PGD: variants seen among roughly 807,000 people sequenced by gnomAD.
The protein encoded by PGD is phosphogluconate dehydrogenase, also known as 6-phosphogluconate dehydrogenase, decarboxylating.
In PGD, 21 loss-of-function variants were observed where a neutral mutation model predicts 60.4. That is an observed-to-expected ratio of 0.35 (90% CI 0.25 to 0.50). The LOEUF (loss-of-function observed/expected upper bound fraction) is 0.50, where lower values mean the gene tolerates loss of function less well. PGD is among the 20% of genes least tolerant of loss of function. PGD has a pLI of 0.98. For missense variants in PGD, 477 were observed against 613.1 expected, an observed-to-expected ratio of 0.78 and a Z score of 2.34; for synonymous variants, 230 against 235.9, an observed-to-expected ratio of 0.97 and a Z score of 0.23.
At position 10,418,937 on chromosome 1, in the gene PGD, A is replaced by AG. The variant is rs760816942; in HGVS notation, c.1209+15dup. On this transcript the variant is annotated intron_variant, in intron 11 of 12. Coordinates refer to ENST00000270776, the MANE Select transcript of PGD (RefSeq NM_002631.4). ...TTGAAAACTGCCAGGTATGTAGCCT[A>AG]GGGCTGGTGCCATGGTTACTCTACC... 1 of 1,449,926 alleles carries AG rather than the reference A, an allele frequency of 6.9e-7. No individual in the cohort carries two copies. Among genetic ancestry groups the AG allele is most frequent in the South Asian group, 1.1e-5 (1 of 87,364 alleles). The allele number at this position is 1,449,926 out of a possible 1,614,324, so 89.8% of individuals were successfully genotyped here. A position where few individuals can be genotyped will look rare whatever the true frequency, so the allele number is the denominator to read the frequency against.
chr1:10,404,568 T>TAGCTC (rs1278179731), intron 5 of PGD, among the ~76,000 whole-genome samples: 5 of 151,946 alleles, frequency 3.3e-5, no homozygotes, highest in Admixed American at 6.6e-5. Flanking sequence ...GGTGAGATCT[T>TAGCTC]AGCTCACTGC....
rs1380951859 is a variant in PGD at position 10,418,905 on chromosome 1, T to A, written c.1189T>A (p.Ser397Thr). 2 of 1,609,154 alleles carry A rather than the reference T, an allele frequency of 1.2e-6. No individual in the cohort carries two copies. The highest frequency in any genetic ancestry group is 8.5e-7 in the Non-Finnish European group (1 of 1,175,696). Residue 397 changes from serine to threonine, a missense_variant, in exon 11 of 13, where the codon TCA becomes ACA. Ser to Thr is a moderately conservative substitution (Grantham distance 58). Around this residue, in one of 3 missense-constraint regions of PGD, gnomAD observed 431 missense variants for 556.6 expected, o/e 0.77. Transcript: ENST00000270776. The part of the protein sequence containing the change: ...QNLLLDDFFK[S>T]AVENCQDSWR... ...CCTCCTACTGGACGACTTCTTTAAG[T>A]CAGCTGTTGAAAACTGCCAGGTATG...
Position 10,415,796 on chromosome 1 carries a change from A to G in PGD, c.845-1191A>G, listed in dbSNP as rs530693243. 3.9e-5 allele frequency among the ~76,000 whole-genome samples: 6 copies of G among 152,336 alleles called. No homozygotes were observed. In the East Asian group the frequency reaches 7.7e-4, roughly 20 times the overall value. ...TAAAGAGTCATTTATTCTAACTATA[A>G]GTTGTCAGTTGAGCAAGTCTTTTAT... is the stretch of plus-strand genomic sequence containing the variant. On this transcript the variant is annotated intron_variant, in intron 8 of 12. Transcript: ENST00000270776.
chr1:10,403,820 A>G (rs1434379245), intron 4 of PGD, among the ~76,000 whole-genome samples: 2 of 152,194 alleles, frequency 1.3e-5, no homozygotes, highest in Non-Finnish European at 2.9e-5. Flanking sequence ...GAATGGCATT[A>G]AGTTGTATTA....
At chr1:10,408,012 G>T in intron 5 of PGD, 59 bp from the exon 6 acceptor site, 1 of 978,210 alleles carries the variant, frequency 1.0e-6, no homozygotes, top group Non-Finnish European at 1.7e-6. Flanking sequence ...GGTGTCTATG[G>T]GTATGGGCTC....
intron 3 of PGD, among the ~76,000 whole-genome samples, chr1:10,402,764 C>T (rs565524099): frequency 8.1e-4 from 123 of 152,026 alleles, no homozygotes; most frequent in African/African-American, 2.7e-3. Flanking sequence ...ACCTTATGAT[C>T]CACCCACCTC....
At chr1:10,407,054 G>A (rs35603742) in intron 5 of PGD, among the ~76,000 whole-genome samples, 1 of 152,228 alleles carries the variant, frequency 6.6e-6, no homozygotes, top group Non-Finnish European at 1.5e-5. Flanking sequence ...GCTTATGCCT[G>A]TAATTTCAGT....
chr1:10,411,420 G>C lies in PGD; in HGVS notation c.522G>C (p.Val174=). ...CTTGGTGCTTGTTGTCCTGACAGGTGGGAGATGAGGGAGCAGGCCACTTCG... is the reference window on the plus strand; with the variant it reads ...CTTGGTGCTTGTTGTCCTGACAGGTCGGAGATGAGGGAGCAGGCCACTTCG... ...VGTGEPCCDW[V]GDEGAGHFVK... Residue 174 remains valine (V), a splice_region_variant and synonymous_variant, in exon 7 of 13, where the codon GTG becomes GTC. Transcript: ENST00000270776. 6.2e-7 allele frequency: 1 copy of C among 1,613,098 alleles called. No homozygotes were observed. Among genetic ancestry groups the C allele is most frequent in the Non-Finnish European group, 8.5e-7 (1 of 1,179,898 alleles).
chr1:10,412,816 G>A, intron 7 of PGD: 1 of 424,786 alleles, frequency 2.4e-6, no homozygotes. Context: ...AGTGAAGTGA[G>A]GAGCCCTTGC....
chr1:10,404,064 C>T (rs1639359835), intron 4 of PGD, 97 bp from the exon 5 acceptor site: 9 of 823,196 alleles, frequency 1.1e-5, no homozygotes, highest in South Asian at 1.7e-5. Flanking sequence ...CTTATACTTC[C>T]TCTCATTTAT....
intron 1 of PGD, 135 bp downstream of exon 1, chr1:10,399,260 T>C: frequency 9.6e-7 from 1 of 1,039,306 alleles, no homozygotes. Context: ...TCTGTGACCC[T>C]GGCCCTACGG....
At chr1:10,406,516 T>C (rs1159910595) in intron 5 of PGD, among the ~76,000 whole-genome samples, 1 of 152,228 alleles carries the variant, frequency 6.6e-6, no homozygotes, top group Non-Finnish European at 1.5e-5. Flanking sequence ...TTCCATCAGT[T>C]CTCTTTCCTC....
intron 5 of PGD, among the ~76,000 whole-genome samples, chr1:10,407,174 A>C (rs989487783): frequency 2.0e-5 from 3 of 152,164 alleles, no homozygotes; most frequent in African/African-American, 7.2e-5. Flanking sequence ...TTAGCCAGGC[A>C]TGGTGGCTCA....
Position 10,419,669 on chromosome 1 carries a change from T to G in PGD, c.1372T>G (p.Leu458Val), listed in dbSNP as rs1311829194. 1 of 1,614,112 alleles carries G rather than the reference T, an allele frequency of 6.2e-7. No homozygotes were observed. Among genetic ancestry groups the G allele is most frequent in the East Asian group, 2.2e-5 (1 of 44,894 alleles). Residue 458 changes from leucine to valine, a missense_variant, in exon 13 of 13, where the codon TTG becomes GTG. Leu to Val is a conservative substitution (Grantham distance 32). Around this residue, in one of 3 missense-constraint regions of PGD, gnomAD observed 44 missense variants for 40.3 expected, o/e 1.09. Transcript: ENST00000270776. ...DYFGAHTYEL[L>V]AKPGQFIHTN... ...CTTCGGGGCTCACACCTATGAACTC[T>G]TGGCCAAACCAGGGCAGTTTATCCA...
Position 10,418,806 on chromosome 1 carries a change from TC to T in PGD, c.1110-14del, listed in dbSNP as rs1366606088. ...AAAAAAAAAAGACTCATTGCTTTTT[TC>T]CCCCCTTGATTATTTCAGTGTATTC... On this transcript the variant is annotated intron_variant, in intron 10 of 12. Coordinates refer to ENST00000270776, the MANE Select transcript of PGD (RefSeq NM_002631.4). 4 of 1,405,748 alleles carry T rather than the reference TC, an allele frequency of 2.8e-6. No individual in the cohort carries two copies. The highest frequency in any genetic ancestry group is 2.0e-5 in the Admixed American group (1 of 51,238). 87.1% of individuals were successfully genotyped at this position (1,405,748 alleles called of 1,614,324 possible). A position where few individuals can be genotyped will look rare whatever the true frequency, so the allele number is the denominator to read the frequency against.
intron 7 of PGD, among the ~76,000 whole-genome samples, 173 bp downstream of exon 7, chr1:10,411,725 A>G (rs1639504483): frequency 6.6e-6 from 1 of 152,200 alleles, no homozygotes; most frequent in Non-Finnish European, 1.5e-5. Flanking sequence ...CTAGTCAGTC[A>G]CTAAGCAGAA....
intron 6 of PGD, among the ~76,000 whole-genome samples, chr1:10,408,718 C>T (rs980391402): frequency 1.3e-5 from 2 of 152,210 alleles, no homozygotes; most frequent in Non-Finnish European, 2.9e-5. Flanking sequence ...AAGCAATCCT[C>T]CTGCCTCAGC....
chr1:10,418,050 T>C (rs1639625840), intron 10 of PGD, among the ~76,000 whole-genome samples: 2 of 151,284 alleles, frequency 1.3e-5, no homozygotes, highest in Non-Finnish European at 2.9e-5. Context: ...TTAAAGTACT[T>C]CTGTGAACTA....
intron 3 of PGD, among the ~76,000 whole-genome samples, chr1:10,401,339 T>C (rs1242639099): frequency 2.0e-5 from 3 of 152,226 alleles, no homozygotes; most frequent in Non-Finnish European, 4.4e-5. Context: ...GTGGAAATAA[T>C]GTGTTTAGAT....
Sources: allele counts gnomAD v4.1 joint callset (sites outside exome capture counted in the v4.1 genomes callset), GRCh38; gene constraint gnomAD v4.1.1; regional missense constraint gnomAD v4.1.1; transcripts MANE v1.5; gene names NCBI Gene and HGNC (gene_info 2026-07-23, HGNC 2026-07-21).